Variants in TNR observed in about 807,000 individuals in gnomAD.
TNR encodes the protein tenascin R, also known as tenascin-R.
Under a neutral mutation model 150.4 loss-of-function variants are expected in TNR, and 45 were observed. That is an observed-to-expected ratio of 0.30 (90% CI 0.24 to 0.38). The LOEUF is 0.38. Among genes scored for constraint, TNR ranks in the 10% least tolerant of loss-of-function variants. The pLI is 1.00. For synonymous variants in TNR, 687 were observed against 678.4 expected (o/e 1.01, Z -0.20); for missense variants, 1,544 against 1,759.1 (o/e 0.88, Z 2.19).
chr1:175,595,166 C>CA (rs201866381), intron 1 of TNR, among the ~76,000 whole-genome samples: 12 of 151,266 alleles, frequency 7.9e-5, no homozygotes, highest in South Asian at 6.3e-4. Flanking sequence ...GACTCCATCT[C>CA]AAAAAAAAAT....
At chr1:175,552,817 C>G (rs533439759) in intron 1 of TNR, among the ~76,000 whole-genome samples, 1 of 152,340 alleles carries the variant, frequency 6.6e-6, no homozygotes, top group South Asian at 2.1e-4. Context: ...ATTCCTGCTT[C>G]TTTTCTCGTG....
chr1:175,429,628 A>G (rs1655171088), intron 2 of TNR, among the ~76,000 whole-genome samples: 1 of 152,242 alleles, frequency 6.6e-6, no homozygotes, highest in Non-Finnish European at 1.5e-5. Context: ...CTTCTTTTAA[A>G]TAGCATCTTA....
In TNR at chr1:175,597,876, C is replaced by CAGTAACATT. The variant is rs1287957689; in HGVS notation, c.-164-69508_-164-69507insAATGTTACT. ...TGCAGTAACATTATTCCTCTAGGCT[C>CAGTAACATT]ATTTCCATTGTTCTCTGTCATCACT... is the stretch of plus-strand genomic sequence containing the variant. On this transcript the variant is annotated intron_variant, in intron 1 of 22. Coordinates refer to ENST00000367674, the MANE Select transcript of TNR (RefSeq NM_003285.3). Among the ~76,000 whole-genome samples, 8 of 152,324 alleles carry CAGTAACATT rather than the reference C, an allele frequency of 5.3e-5. No homozygotes were observed. The East Asian group carries it at 1.5e-3, about 29-fold the overall frequency.
intron 1 of TNR, among the ~76,000 whole-genome samples, chr1:175,717,644 G>A (rs1667189236): frequency 6.6e-6 from 1 of 152,178 alleles, no homozygotes; most frequent in Non-Finnish European, 1.5e-5. Flanking sequence ...GCACTAAGGT[G>A]TGGGACCTGA....
intron 1 of TNR, among the ~76,000 whole-genome samples, chr1:175,618,856 G>T (rs1466904933): frequency 6.6e-6 from 1 of 152,156 alleles, no homozygotes; most frequent in Non-Finnish European, 1.5e-5. Context: ...CACTGCCCTT[G>T]CCTTCTGCCC....
At chr1:175,378,317 C>A (rs531773726) in intron 9 of TNR, among the ~76,000 whole-genome samples, 1 of 152,224 alleles carries the variant, frequency 6.6e-6, no homozygotes, top group Non-Finnish European at 1.5e-5. Flanking sequence ...TTCATTCATT[C>A]ATTCATTCAT....
At chr1:175,389,014 C>T (rs1653054459) in intron 7 of TNR, among the ~76,000 whole-genome samples, 1 of 152,182 alleles carries the variant, frequency 6.6e-6, no homozygotes, top group African/African-American at 2.4e-5. Context: ...CTCCTTTTAG[C>T]CTTTTGTCTT....
intron 4 of TNR, among the ~76,000 whole-genome samples, chr1:175,402,492 G>A (rs974664059): frequency 7.2e-5 from 11 of 152,142 alleles, no homozygotes; most frequent in African/African-American, 2.7e-4. Flanking sequence ...AACAAAGTGA[G>A]TCATACTCTT....
chr1:175,387,787 C>G (rs926764346), intron 7 of TNR, among the ~76,000 whole-genome samples: 1 of 152,232 alleles, frequency 6.6e-6, no homozygotes, highest in Non-Finnish European at 1.5e-5. Context: ...AAGTTTCTCC[C>G]TCAGGGCCGT....
intron 1 of TNR, among the ~76,000 whole-genome samples, chr1:175,638,787 A>G (rs56821531): frequency 0.023 from 3,528 of 152,338 alleles, 124 homozygotes; most frequent in African/African-American, 0.078. Context: ...GCCCTGTGGC[A>G]TAATTTAACT....
At chr1:175,686,169 A>T (rs567189687) in intron 1 of TNR, among the ~76,000 whole-genome samples, 2 of 152,330 alleles carry the variant, frequency 1.3e-5, no homozygotes, top group African/African-American at 4.8e-5. Context: ...AACAACACTT[A>T]CTGAACACTC....
At chr1:175,717,859 C>A (rs923073680) in intron 1 of TNR, among the ~76,000 whole-genome samples, 2 of 152,230 alleles carry the variant, frequency 1.3e-5, no homozygotes, top group Admixed American at 1.3e-4. Flanking sequence ...TGCACACACA[C>A]ACACACAGCT....
At chr1:175,705,318 A>C (rs920502661) in intron 1 of TNR, among the ~76,000 whole-genome samples, 3 of 152,156 alleles carry the variant, frequency 2.0e-5, no homozygotes, top group Non-Finnish European at 2.9e-5. Context: ...ATGTATGCTG[A>C]ATTGAATTTT....
In TNR at chr1:175,403,570, G is replaced by A. The variant is rs1406396480; in HGVS notation, c.546C>T (p.Ser182=). The change falls in exon 4 of 23, where the codon AGC becomes AGT. Residue 182 remains serine (S), a synonymous_variant. Coordinates refer to ENST00000367674, the MANE Select transcript of TNR (RefSeq NM_003285.3). ...TGCAGATGCAGCCACAGGACTCAAA[G>A]CTAAAGTTGCCGTGGCCACTGCAGT... ...IPHCSGHGNF[S]FESCGCICNE... 6.2e-7 allele frequency: 1 copy of A among 1,614,132 alleles called. No homozygotes were observed. The highest frequency in any genetic ancestry group is 1.1e-5 in the South Asian group (1 of 91,086).
chr1:175,323,322 C>G lies in TNR; in HGVS notation c.*35G>C. The G allele has an allele frequency of 6.2e-7, 1 of 1,608,700 alleles. No homozygotes were observed. Among genetic ancestry groups the G allele is most frequent in the Non-Finnish European group, 8.5e-7 (1 of 1,177,564 alleles). On this transcript the variant is annotated 3_prime_UTR_variant, in exon 23 of 23. Transcript: ENST00000367674. ...CATATTATAAAATACAAACAAATGA[C>G]AGAAAATATTGGTTGGCTTGCAGCC...
intron 1 of TNR, among the ~76,000 whole-genome samples, chr1:175,589,091 T>A (rs1318320586): frequency 2.0e-5 from 3 of 152,096 alleles, no homozygotes. Flanking sequence ...GTAATCAACA[T>A]CTTCTTTTTG....
At chr1:175,704,184 C>G (rs891887899) in intron 1 of TNR, among the ~76,000 whole-genome samples, 1 of 152,142 alleles carries the variant, frequency 6.6e-6, no homozygotes, top group Non-Finnish European at 1.5e-5. Flanking sequence ...AAACTGTACG[C>G]TTAAAAATGA....
chr1:175,678,975 A>G (rs1665949082), intron 1 of TNR, among the ~76,000 whole-genome samples: 1 of 152,226 alleles, frequency 6.6e-6, no homozygotes. Context: ...CCCTGCTTCC[A>G]AACCTATGTC....
intron 2 of TNR, among the ~76,000 whole-genome samples, chr1:175,490,028 G>A (rs1017955053): frequency 2.4e-4 from 37 of 152,154 alleles, no homozygotes; most frequent in African/African-American, 8.2e-4. Flanking sequence ...AAACAGACAC[G>A]CAGACCAATG....
Sources: allele counts gnomAD v4.1 joint callset (sites outside exome capture counted in the v4.1 genomes callset), GRCh38; gene constraint gnomAD v4.1.1; transcripts MANE v1.5; gene names NCBI Gene and HGNC (gene_info 2026-07-23, HGNC 2026-07-21).